The following CNTNAP2 variants were observed in gnomAD, a reference collection of about 807,000 sequenced individuals.
The protein encoded by CNTNAP2 is contactin-associated protein-like 2.
Under a neutral mutation model 155.2 loss-of-function variants are expected in CNTNAP2, and 98 were observed. That is an observed-to-expected ratio of 0.63 (90% CI 0.54 to 0.75). CNTNAP2 has a LOEUF of 0.75. CNTNAP2 is among the 30% of genes least tolerant of loss of function. The pLI, the probability that CNTNAP2 is intolerant of heterozygous loss-of-function variation, is 0.00. For missense variants in CNTNAP2, 1,727 were observed against 1,688.1 expected (o/e 1.02, Z -0.40); for synonymous variants, 651 against 631.2 (o/e 1.03, Z -0.47).
intron 1 of CNTNAP2, among the ~76,000 whole-genome samples, chr7:146,236,729 C>T (rs1364565543): frequency 1.3e-5 from 2 of 152,024 alleles, no homozygotes; most frequent in African/African-American, 4.8e-5. Flanking sequence ...CTTCTGATCC[C>T]TTGATATGAT....
chr7:147,182,226 T>C (rs1375768278), intron 8 of CNTNAP2, among the ~76,000 whole-genome samples: 1 of 151,936 alleles, frequency 6.6e-6, no homozygotes, highest in East Asian at 1.9e-4. Context: ...TTAACTCTAA[T>C]TAACCAGCTT....
chr7:146,421,966 C>G (rs77238024), intron 1 of CNTNAP2, among the ~76,000 whole-genome samples: 4,250 of 151,826 alleles, frequency 0.028, 120 homozygotes, highest in African/African-American at 0.077. Flanking sequence ...ACTTTAAGAT[C>G]TTTTTATATT....
At chr7:147,486,185 CCA>C in intron 11 of CNTNAP2, 144 bp downstream of exon 11, 1 of 514,692 alleles carries the variant, frequency 1.9e-6, no homozygotes, top group South Asian at 2.4e-5. Context: ...TGTCATTTCT[CCA>C]AAAAAAAAAA....
chr7:146,192,011 G>A (rs1485524941), intron 1 of CNTNAP2, among the ~76,000 whole-genome samples: 1 of 152,162 alleles, frequency 6.6e-6, no homozygotes, highest in Non-Finnish European at 1.5e-5. Context: ...ATTGACTGGG[G>A]AAGTGATAAA....
At chr7:148,283,251 A>G (rs866535719) in intron 21 of CNTNAP2, among the ~76,000 whole-genome samples, 3 of 50,288 alleles carry the variant, frequency 6.0e-5, no homozygotes, top group East Asian at 1.5e-3. Context: ...AAAAAAAAAA[A>G]AAAAAAAGAA....
chr7:146,359,745 C>G (rs542294180), intron 1 of CNTNAP2, among the ~76,000 whole-genome samples: 1 of 151,986 alleles, frequency 6.6e-6, no homozygotes, highest in South Asian at 2.1e-4. Context: ...AAAAGTATCC[C>G]AAGTGACTTT....
chr7:147,909,227 A>G (rs1248215733), intron 14 of CNTNAP2, among the ~76,000 whole-genome samples: 1 of 152,186 alleles, frequency 6.6e-6, no homozygotes, highest in Non-Finnish European at 1.5e-5. Flanking sequence ...CCACAATATC[A>G]GGATCAAGGA....
At chr7:146,197,387 A>C (rs1308599379) in intron 1 of CNTNAP2, among the ~76,000 whole-genome samples, 2 of 152,186 alleles carry the variant, frequency 1.3e-5, no homozygotes, top group African/African-American at 4.8e-5. Flanking sequence ...AGGTATTTAA[A>C]CTGACCTTAG....
At chr7:146,580,932 A>C (rs577623884) in intron 1 of CNTNAP2, among the ~76,000 whole-genome samples, 1 of 152,212 alleles carries the variant, frequency 6.6e-6, no homozygotes, top group South Asian at 2.1e-4. Flanking sequence ...TTGTGTGAAA[A>C]ATCACCCCAA....
At chr7:146,915,867 T>A (rs1223611161) in intron 3 of CNTNAP2, 1 of 152,130 alleles carries the variant, frequency 6.6e-6, no homozygotes, top group Admixed American at 6.6e-5. Flanking sequence ...TGAATAGAAG[T>A]GGTGAAAGTG....
chr7:147,469,765 T>A (rs1051504822), intron 10 of CNTNAP2, among the ~76,000 whole-genome samples: 104 of 151,838 alleles, frequency 6.8e-4, no homozygotes, highest in African/African-American at 2.3e-3. Flanking sequence ...TGATCCGCCC[T>A]CCTCGGCCTC....
chr7:146,493,026 T>A (rs903724118), intron 1 of CNTNAP2, among the ~76,000 whole-genome samples: 1 of 152,206 alleles, frequency 6.6e-6, no homozygotes. Flanking sequence ...TAAGGATAAG[T>A]CTATAATCCA....
chr7:146,563,369 A>C (rs1384126024), intron 1 of CNTNAP2, among the ~76,000 whole-genome samples: 1 of 152,084 alleles, frequency 6.6e-6, no homozygotes, highest in East Asian at 1.9e-4. Flanking sequence ...CTATTGAACT[A>C]TCCCAGCTTT....
intron 12 of CNTNAP2, among the ~76,000 whole-genome samples, chr7:147,597,987 G>A (rs1195551378): frequency 6.6e-6 from 1 of 152,128 alleles, no homozygotes; most frequent in Non-Finnish European, 1.5e-5. Context: ...GGCAAACACT[G>A]GGGTTGCTGG....
intron 1 of CNTNAP2, among the ~76,000 whole-genome samples, chr7:146,444,675 T>TTTTTTTTTG (rs1796376388): frequency 6.6e-6 from 1 of 151,370 alleles, no homozygotes; most frequent in African/African-American, 2.4e-5. Flanking sequence ...TTTTTTTTTT[T>TTTTTTTTTG]GAGACAGCAT....
chr7:146,554,939 A>T (rs759666267), intron 1 of CNTNAP2, among the ~76,000 whole-genome samples: 1 of 152,170 alleles, frequency 6.6e-6, no homozygotes, highest in South Asian at 2.1e-4. Context: ...CCTCATAATC[A>T]TCCTGAGATC....
intron 13 of CNTNAP2, among the ~76,000 whole-genome samples, chr7:147,789,700 G>A (rs1201108824): frequency 2.0e-5 from 3 of 152,204 alleles, no homozygotes; most frequent in Non-Finnish European, 4.4e-5. Context: ...TTGGCTGCTA[G>A]CAGGGCAAGA....
intron 1 of CNTNAP2, among the ~76,000 whole-genome samples, chr7:146,741,183 G>A (rs937246051): frequency 6.6e-6 from 1 of 152,074 alleles, no homozygotes; most frequent in East Asian, 1.9e-4. Flanking sequence ...CTTTCAATGT[G>A]TCTTTTCTTA....
intron 2 of CNTNAP2, among the ~76,000 whole-genome samples, chr7:146,837,225 T>C (rs1036604461): frequency 6.6e-6 from 1 of 152,090 alleles, no homozygotes; most frequent in African/African-American, 2.4e-5. Context: ...GTCTCACAAC[T>C]TACTGGAATA....
Sources: allele counts gnomAD v4.1 joint callset (sites outside exome capture counted in the v4.1 genomes callset), GRCh38; gene constraint gnomAD v4.1.1; transcripts MANE v1.5; gene names NCBI Gene and HGNC (gene_info 2026-07-23, HGNC 2026-07-21).